MAML3: variants seen among roughly 807,000 people sequenced by gnomAD.
The protein encoded by MAML3 is mastermind-like protein 3.
MAML3 carries 27 observed loss-of-function variants against 101.9 expected under a neutral mutation model. That is an observed-to-expected ratio of 0.27 (90% confidence interval 0.20 to 0.37). The LOEUF is 0.37. Among genes scored for constraint, MAML3 ranks in the 10% least tolerant of loss-of-function variants. MAML3 has a pLI of 1.00. For synonymous variants in MAML3, 501 were observed against 555.9 expected, an observed-to-expected ratio of 0.90 and a Z score of 1.39; for missense variants, 1,316 against 1,444.9, an observed-to-expected ratio of 0.91 and a Z score of 1.45.
In MAML3 at chr4:140,113,043, G is replaced by A. The variant is rs147339884; in HGVS notation, c.468+39817C>T. On this transcript the variant is annotated intron_variant, in intron 1 of 4. Transcript: ENST00000509479. ...TGCCTGTAATCCCAGCACTTTGGGAGCCAAGGCGGGCGGATCACAGGGTTA... is the reference window on the plus strand; with the variant it reads ...TGCCTGTAATCCCAGCACTTTGGGAACCAAGGCGGGCGGATCACAGGGTTA... 8.4e-3 allele frequency among the ~76,000 whole-genome samples: 1,276 copies of A among 152,232 alleles called. 25 individuals carry two copies. Among genetic ancestry groups the A allele is most frequent in the African/African-American group, 0.029 (1,214 of 41,544 alleles).
chr4:139,824,375 C>T (rs1315440609), intron 2 of MAML3, among the ~76,000 whole-genome samples: 6 of 152,158 alleles, frequency 3.9e-5, no homozygotes, highest in Admixed American at 2.6e-4. Flanking sequence ...AAAATAGAAT[C>T]AAACCCAAGC....
At chr4:140,120,909 T>C (rs371230438) in intron 1 of MAML3, among the ~76,000 whole-genome samples, 2 of 152,164 alleles carry the variant, frequency 1.3e-5, no homozygotes, top group East Asian at 3.9e-4. Context: ...CACACAGTGG[T>C]TTTATGGAAA....
intron 1 of MAML3, among the ~76,000 whole-genome samples, chr4:139,902,271 ACACG>A (rs70943455): frequency 0.42 from 56,564 of 133,782 alleles, 11,899 homozygotes; most frequent in Non-Finnish European, 0.56. Flanking sequence ...ACGCACACAC[ACACG>A]CACACACACA....
intron 2 of MAML3, among the ~76,000 whole-genome samples, chr4:139,810,728 G>C (rs1472990424): frequency 2.6e-5 from 4 of 152,020 alleles, no homozygotes; most frequent in African/African-American, 9.7e-5. Context: ...TTATAGTTAG[G>C]GTTATAAAAA....
intron 2 of MAML3, chr4:139,794,217 T>G (rs1350515909): frequency 6.6e-6 from 1 of 152,234 alleles, no homozygotes; most frequent in Non-Finnish European, 1.5e-5. Context: ...CCATATTCTC[T>G]TAGAATCCCA....
chr4:139,849,325 T>A (rs1043460838), intron 2 of MAML3, among the ~76,000 whole-genome samples: 10 of 152,206 alleles, frequency 6.6e-5, no homozygotes, highest in Admixed American at 6.5e-4. Context: ...GACTAAGTGG[T>A]TAAAAGGAAA....
intron 1 of MAML3, among the ~76,000 whole-genome samples, chr4:140,105,836 G>A (rs1728341472): frequency 6.6e-6 from 1 of 151,866 alleles, no homozygotes; most frequent in Admixed American, 6.6e-5. Flanking sequence ...CTGGGATCCT[G>A]GTGTGCAAAT....
At chr4:139,994,786 GGTGTGTGT>G (rs59077923) in intron 1 of MAML3, among the ~76,000 whole-genome samples, 1 of 150,118 alleles carries the variant, frequency 6.7e-6, no homozygotes, top group Non-Finnish European at 1.5e-5. Flanking sequence ...GCTGGTGGGG[GGTGTGTGT>G]GTGTGTGTGT....
intron 1 of MAML3, among the ~76,000 whole-genome samples, chr4:140,146,582 C>T (rs1044824377): frequency 2.0e-5 from 3 of 152,206 alleles, no homozygotes; most frequent in African/African-American, 7.2e-5. Flanking sequence ...ATTTCCAAGT[C>T]ACAAAACTAA....
intron 1 of MAML3, among the ~76,000 whole-genome samples, chr4:140,011,237 T>TAC (rs1553968807): frequency 7.0e-6 from 1 of 143,306 alleles, no homozygotes; most frequent in Non-Finnish European, 1.5e-5. Flanking sequence ...AGTGTGCATA[T>TAC]ATATATATAT....
chr4:139,871,946 T>G (rs1029723640), intron 2 of MAML3, among the ~76,000 whole-genome samples: 2 of 152,238 alleles, frequency 1.3e-5, no homozygotes, highest in Non-Finnish European at 2.9e-5. Context: ...AATGTTTTAT[T>G]TATTTATTTT....
intron 2 of MAML3, among the ~76,000 whole-genome samples, chr4:139,853,829 A>T (rs1989484): frequency 0.41 from 61,445 of 149,724 alleles, 13,102 homozygotes; most frequent in African/African-American, 0.5. Context: ...TTTTATTTTT[A>T]TTTTTTTTTT....
At chr4:139,774,503 T>C (rs17050904) in intron 2 of MAML3, among the ~76,000 whole-genome samples, 2,941 of 152,322 alleles carry the variant, frequency 0.019, 113 homozygotes, top group African/African-American at 0.068. Context: ...CTGAATCCTA[T>C]AGCCCACTTC....
chr4:140,087,943 T>C (rs1366626362), intron 1 of MAML3, among the ~76,000 whole-genome samples: 1 of 152,196 alleles, frequency 6.6e-6, no homozygotes, highest in Non-Finnish European at 1.5e-5. Flanking sequence ...CAAGCATAAA[T>C]ACTTGTTAAC....
At chr4:139,958,553 C>T (rs1374834542) in intron 1 of MAML3, among the ~76,000 whole-genome samples, 1 of 152,124 alleles carries the variant, frequency 6.6e-6, no homozygotes, top group Non-Finnish European at 1.5e-5. Context: ...AGGGGGAAGA[C>T]TGGGAAATGC....
intron 2 of MAML3, among the ~76,000 whole-genome samples, chr4:139,814,025 A>AACACACACACACACACACACAC (rs70943442): frequency 6.5e-4 from 94 of 145,134 alleles, no homozygotes; most frequent in Admixed American, 1.3e-3. Context: ...CACAAACACA[A>AACACACACACACACACACACAC]ACACACACAC....
chr4:140,116,035 C>T (rs553841461), intron 1 of MAML3, among the ~76,000 whole-genome samples: 1 of 151,992 alleles, frequency 6.6e-6, no homozygotes, highest in East Asian at 1.9e-4. Flanking sequence ...CCTTTAAGAT[C>T]CTTTAGTTGG....
At chr4:139,796,719 G>A (rs1730515597) in intron 2 of MAML3, among the ~76,000 whole-genome samples, 6 of 152,104 alleles carry the variant, frequency 3.9e-5, no homozygotes, top group African/African-American at 1.4e-4. Context: ...ATGAGGTAGA[G>A]GCTAGTTCTA....
intron 2 of MAML3, among the ~76,000 whole-genome samples, chr4:139,832,193 C>T (rs141980880): frequency 0.017 from 2,525 of 150,254 alleles, 33 homozygotes; most frequent in Middle Eastern, 0.056. Context: ...CAACCTCCAC[C>T]TCCCGGGTTC....
Sources: allele counts gnomAD v4.1 joint callset (sites outside exome capture counted in the v4.1 genomes callset), GRCh38; gene constraint gnomAD v4.1.1; transcripts MANE v1.5; gene names NCBI Gene and HGNC (gene_info 2026-07-23, HGNC 2026-07-21).